PCED1A: variants seen among roughly 807,000 people sequenced by gnomAD.
PCED1A encodes PC-esterase domain containing 1A, also known as PC-esterase domain-containing protein 1A.
PCED1A carries 20 observed loss-of-function variants against 41.9 expected under a neutral mutation model. That is an observed-to-expected ratio of 0.48 (90% CI 0.34 to 0.69). The LOEUF (loss-of-function observed/expected upper bound fraction) is 0.69. Among genes scored for constraint, PCED1A ranks in the 30% least tolerant of loss-of-function variants. PCED1A has a pLI of 0.01. For missense variants in PCED1A, 498 were observed against 602.1 expected (o/e 0.83, Z 1.81); for synonymous variants, 236 against 241.3 (o/e 0.98, Z 0.20).
Position 2,836,148 on chromosome 20 carries a change from G to A in PCED1A, c.1008C>T (p.Leu336=). 2 of 1,603,516 alleles carry A rather than the reference G, an allele frequency of 1.2e-6. No individual in the cohort carries two copies. The highest frequency in any genetic ancestry group is 1.7e-6 in the Non-Finnish European group (2 of 1,174,348). Residue 336 remains leucine (L), a synonymous_variant, in exon 7 of 8, where the codon CTC becomes CTT. Transcript: ENST00000360652. ...GGGTATCCTGGGGCAGGGGTGGGAA[G>A]AGGGGAGGTGGCGAGGGCTGAGGAA... ...YPLPQPSPPP[L]FPPLPQDTPF... is the part of the protein sequence containing the mutation.
In PCED1A at chr20:2,838,191, C is replaced by T; in HGVS notation, c.841+41G>A. 2 of 1,612,338 alleles carry T rather than the reference C, an allele frequency of 1.2e-6. No individual in the cohort carries two copies. The highest frequency in any genetic ancestry group is 1.7e-6 in the Non-Finnish European group (2 of 1,179,626). ...GTTTCTGAGCCCTGTCCTCTGAGGGCCCCAGTGCATCACTACCCCCCCACT... is the reference window on the plus strand; with the variant it reads ...GTTTCTGAGCCCTGTCCTCTGAGGGTCCCAGTGCATCACTACCCCCCCACT... On this transcript the variant is annotated intron_variant, in intron 6 of 7. Coordinates refer to ENST00000360652, the MANE Select transcript of PCED1A (RefSeq NM_022760.6). The surrounding 1 kb of genome is among the most constrained non-coding windows in gnomAD (Gnocchi z 5.8).
In PCED1A at chr20:2,838,788, AC is replaced by A; in HGVS notation, c.444-43del. The A allele has an allele frequency of 1.9e-6, 3 of 1,614,146 alleles. No individual in the cohort carries two copies. Among genetic ancestry groups the A allele is most frequent in the African/African-American group, 1.3e-5 (1 of 75,046 alleles). On this transcript the variant is annotated intron_variant, in intron 4 of 7. Coordinates refer to ENST00000360652, the MANE Select transcript of PCED1A (RefSeq NM_022760.6). The surrounding 1 kb of genome is among the most constrained non-coding windows in gnomAD (Gnocchi z 5.8). ...AGGGTGGGCAAGAGCACAAGGGTGG[AC>A]TGCCTCAGCCGTACTTCCAGCCCCA...
rs950285864 is a variant in PCED1A at position 2,840,573 on chromosome 20, G to A, written c.-384C>T. 1 of 618,116 alleles carries A rather than the reference G, an allele frequency of 1.6e-6. No homozygotes were observed. The highest frequency in any genetic ancestry group is 2.8e-6 in the Non-Finnish European group (1 of 353,246). 38.3% of individuals were successfully genotyped at this position (618,116 alleles called of 1,614,324 possible). On this transcript the variant is annotated 5_prime_UTR_variant, in exon 1 of 8. Transcript: ENST00000360652. ...GGCCGCCACAGGGCGCAGGAGCCAG[G>A]GCTGGGCCCACTTGGCGGGCGCGAA... is the stretch of plus-strand genomic sequence containing the variant.
chr20:2,839,311 A>C (rs1479161656), intron 2 of PCED1A, 40 bp from the exon 3 acceptor site: 1 of 1,582,472 alleles, frequency 6.3e-7, no homozygotes, highest in Non-Finnish European at 8.7e-7. Context: ...GGCAGACCTC[A>C]GCCTGCCCCA....
At position 2,839,884 on chromosome 20, in the gene PCED1A, G is replaced by C. The variant is rs780422960; in HGVS notation, c.29C>G (p.Pro10Arg). The change falls in exon 2 of 8, where the codon CCG becomes CGG. Residue 10 changes from proline (P) to arginine (R), a missense_variant. Coordinates refer to ENST00000360652, the MANE Select transcript of PCED1A (RefSeq NM_022760.6). ...CATGTCGCTTCGCAGCGGGCGGCGC[G>C]GCTCCTCGCTCGACAGACAGAAGAC... MVFCLSSEE[P>R]RRPLRSDMVH... 8.7e-6 allele frequency: 14 copies of C among 1,613,680 alleles called. No individual in the cohort carries two copies. In the South Asian group the frequency reaches 9.9e-5, roughly 11 times the overall value.
chr20:2,839,292 C>G (rs1396173925), intron 2 of PCED1A, 21 bp from the exon 3 acceptor site: 3 of 1,611,724 alleles, frequency 1.9e-6, no homozygotes, highest in African/African-American at 2.7e-5. Context: ...ACAGAGATCC[C>G]AAGGCTGAGG....
At position 2,838,712 on chromosome 20, in the gene PCED1A, T is replaced by C; in HGVS notation, c.478A>G (p.Asn160Asp). 1 of 1,614,094 alleles carries C rather than the reference T, an allele frequency of 6.2e-7. No homozygotes were observed. The highest frequency in any genetic ancestry group is 2.2e-5 in the East Asian group (1 of 44,872). Residue 160 changes from asparagine (N) to aspartate (D), a missense_variant, in exon 5 of 8, where the codon AAC (asparagine) becomes GAC (aspartate). Asn to Asp is a conservative substitution (Grantham distance 23, BLOSUM62 1). Transcript: ENST00000360652. The surrounding 1 kb of genome is among the most constrained non-coding windows in gnomAD (Gnocchi z 5.8). ...ATGCGCACAAACACCCGCTCCAGGT[T>C]CTCCCGGTAGCTCTCCATTGAGCAG... ...GRCSMESYRE[N>D]LERVFVRMDQ...
chr20:2,836,842 A>G (rs904877350), intron 6 of PCED1A, among the ~76,000 whole-genome samples: 1 of 152,182 alleles, frequency 6.6e-6, no homozygotes, highest in Non-Finnish European at 1.5e-5. Flanking sequence ...CAGCAGCCTC[A>G]GTCCTTCCTA....
At chr20:2,841,040 G>A (rs2088965223), upstream of PCED1A, 1 of 577,826 alleles carries the variant, frequency 1.7e-6, no homozygotes, top group African/African-American at 1.9e-5. Flanking sequence ...CAAGCACAGT[G>A]GTCACCCCGA....
Position 2,839,799 on chromosome 20 carries a change from C to A in PCED1A, c.114G>T (p.Leu38Phe). ...AGAAGAGGCACTCACTGGAGTCCCCCAAGATGACCACGAACTTGTTGTGTA... is the reference window on the plus strand; with the variant it reads ...AGAAGAGGCACTCACTGGAGTCCCCAAAGATGACCACGAACTTGTTGTGTA... ...QLLHNKFVVI[L>F]GDSIQRAVYK... Residue 38 changes from leucine to phenylalanine, a missense_variant, in exon 2 of 8, where the codon TTG becomes TTT. By Grantham distance (22) the Leu-to-Phe change is conservative. Transcript: ENST00000360652. 1 of 1,614,142 alleles carries A rather than the reference C, an allele frequency of 6.2e-7. No homozygotes were observed. Among genetic ancestry groups the A allele is most frequent in the Non-Finnish European group, 8.5e-7 (1 of 1,179,996 alleles).
rs1377941082 is a variant in PCED1A at position 2,839,001 on chromosome 20, C to T, written c.286G>A (p.Val96Ile). 2 of 1,613,766 alleles carry T rather than the reference C, an allele frequency of 1.2e-6. No homozygotes were observed. The highest frequency in any genetic ancestry group is 1.7e-6 in the Non-Finnish European group (2 of 1,180,052). The change falls in exon 4 of 8, where the codon GTC (valine) becomes ATC (isoleucine). Residue 96 changes from valine (V) to isoleucine (I), a missense_variant. Physicochemically the swap from Val to Ile is conservative, Grantham distance 29 (BLOSUM62 3). This residue lies in a region of PCED1A where 253 missense variants were observed against 369.7 expected (regional missense o/e 0.68). Transcript: ENST00000360652. ...CCAGAGCCCGAGCAGAACTGGCGGA[C>T]CTCACGATACTGTGTCCCGTTGTGC... Reference protein sequence around the residue: ...ELHNGTQYREVRQFCSGSGHH... With the variant: ...ELHNGTQYREIRQFCSGSGHH...
chr20:2,840,650 A>T lies in PCED1A; in HGVS notation c.-461T>A. On this transcript the variant is annotated 5_prime_UTR_variant, in exon 1 of 8. Transcript: ENST00000360652. ...GCGGCAGCCAAGTGAGGCTGCCCAC[A>T]GTGGTGATGGCCGCGGCGGCGGCCT... The T allele has an allele frequency of 9.4e-7, 1 of 1,067,786 alleles. No homozygotes were observed. The highest frequency in any genetic ancestry group is 1.4e-6 in the Non-Finnish European group (1 of 713,634). 66.1% of individuals were successfully genotyped at this position (1,067,786 alleles called of 1,614,324 possible). A position where few individuals can be genotyped will look rare whatever the true frequency, so the allele number is the denominator to read the frequency against.
chr20:2,838,218 A>G lies in PCED1A; in HGVS notation c.841+14T>C, dbSNP rs770450973. 2.0e-5 allele frequency: 32 copies of G among 1,613,560 alleles called. No individual in the cohort carries two copies. Among genetic ancestry groups the G allele is most frequent in the Non-Finnish European group, 2.5e-5 (29 of 1,179,930 alleles). Reference sequence around the variant, plus strand: ...CCAGTGCATCACTACCCCCCCACTTATGGTAGGGCTCACCAGGGGGATAGC... The same window carrying G: ...CCAGTGCATCACTACCCCCCCACTTGTGGTAGGGCTCACCAGGGGGATAGC... On this transcript the variant is annotated intron_variant, in intron 6 of 7. Coordinates refer to ENST00000360652, the MANE Select transcript of PCED1A (RefSeq NM_022760.6). The surrounding 1 kb of genome is among the most constrained non-coding windows in gnomAD (Gnocchi z 5.8).
upstream of PCED1A, chr20:2,840,725 C>G: frequency 6.5e-7 from 1 of 1,543,134 alleles, no homozygotes; most frequent in Non-Finnish European, 8.8e-7. Context: ...CTGGAGCCCG[C>G]TCTAGGTGGG....
At chr20:2,837,284 T>C (rs2088850829) in intron 6 of PCED1A, among the ~76,000 whole-genome samples, 1 of 152,224 alleles carries the variant, frequency 6.6e-6, no homozygotes, top group Non-Finnish European at 1.5e-5. Flanking sequence ...GTTACAGGTC[T>C]GTCTCTATGA....
chr20:2,838,213 C>T lies in PCED1A; in HGVS notation c.841+19G>A, dbSNP rs200581071. 8.1e-6 allele frequency: 13 copies of T among 1,613,586 alleles called. No individual in the cohort carries two copies. Among genetic ancestry groups the T allele is most frequent in the Middle Eastern group, 1.7e-4 (1 of 5,854 alleles). ...GGGCCCCAGTGCATCACTACCCCCCCACTTATGGTAGGGCTCACCAGGGGG... is the reference window on the plus strand; with the variant it reads ...GGGCCCCAGTGCATCACTACCCCCCTACTTATGGTAGGGCTCACCAGGGGG... On this transcript the variant is annotated intron_variant, in intron 6 of 7. Transcript: ENST00000360652. The surrounding 1 kb of genome is among the most constrained non-coding windows in gnomAD (Gnocchi z 5.8).
chr20:2,838,518 A>T lies in PCED1A; in HGVS notation c.595-40T>A. 6.2e-7 allele frequency: 1 copy of T among 1,613,980 alleles called. No homozygotes were observed. Among genetic ancestry groups the T allele is most frequent in the Non-Finnish European group, 8.5e-7 (1 of 1,179,864 alleles). On this transcript the variant is annotated intron_variant, in intron 5 of 7. Transcript: ENST00000360652. This position sits in a 1 kb window ranked among gnomAD's most constrained non-coding sequence, Gnocchi z 5.8. ...GCAGCCTCTAAGAGCCACAGAACGCAGCAGGGTCTGAAAGCAGGGTGTCCT... is the reference window on the plus strand; with the variant it reads ...GCAGCCTCTAAGAGCCACAGAACGCTGCAGGGTCTGAAAGCAGGGTGTCCT...
At chr20:2,836,921 A>G (rs1247755635) in intron 6 of PCED1A, among the ~76,000 whole-genome samples, 1 of 152,142 alleles carries the variant, frequency 6.6e-6, no homozygotes, top group Admixed American at 6.5e-5. Context: ...CCAAAGCATG[A>G]GCATCGTTCT....
chr20:2,838,579 G>A lies in PCED1A; in HGVS notation c.594+17C>T. ...CTGCTATCCCATCTCTTGTCCTGAT[G>A]GGCCTCAGTCACTTGCCTCTGGCAG... On this transcript the variant is annotated intron_variant, in intron 5 of 7. Coordinates refer to ENST00000360652, the MANE Select transcript of PCED1A (RefSeq NM_022760.6). The surrounding 1 kb of genome is among the most constrained non-coding windows in gnomAD (Gnocchi z 5.8). The A allele has an allele frequency of 6.2e-7, 1 of 1,614,184 alleles. No individual in the cohort carries two copies.
Sources: gnomAD v4.1 joint callset for allele counts (sites outside exome capture counted in the v4.1 genomes callset) on GRCh38, gnomAD v4.1.1 for gene constraint, gnomAD v4.1.1 regional missense constraint, Gnocchi (gnomAD v3.1) non-coding constraint, MANE v1.5 for transcripts, NCBI Gene and HGNC (gene_info 2026-07-23, HGNC 2026-07-21) for gene names.